THEM4: variants seen among roughly 807,000 people sequenced by gnomAD.
THEM4 encodes thioesterase superfamily member 4, also known as acyl-coenzyme A thioesterase THEM4.
In THEM4, 22 loss-of-function variants were observed where a neutral mutation model predicts 25.0. The ratio of observed to expected loss-of-function variants is 0.88; its 90% CI spans 0.63 to 1.26. The LOEUF is 1.26. Ranked by LOEUF, THEM4 falls within the 50% of genes most tolerant of loss-of-function variation. THEM4 has a pLI of 0.00. For missense variants in THEM4, 286 were observed against 300.3 expected (o/e 0.95, Z 0.35); for synonymous variants, 113 against 105.6 (o/e 1.07, Z -0.43).
chr1:151,878,200 A>G (rs2101715684), intron 4 of THEM4, among the ~76,000 whole-genome samples: 1 of 152,152 alleles, frequency 6.6e-6, no homozygotes, highest in African/African-American at 2.4e-5. Flanking sequence ...TCTCTCTTTG[A>G]TATACTCATG....
rs1000371944 is a variant in THEM4 at position 151,873,038 on chromosome 1, G to A, written c.*1850C>T. On this transcript the variant is annotated 3_prime_UTR_variant, in exon 6 of 6. Coordinates refer to ENST00000368814, the MANE Select transcript of THEM4 (RefSeq NM_053055.5). ...AACAGCATGTCTTGGTGTAAAACCCGATCCTATGTTCGTTCCATTCTGAGA... is the reference window on the plus strand; with the variant it reads ...AACAGCATGTCTTGGTGTAAAACCCAATCCTATGTTCGTTCCATTCTGAGA... 2.6e-5 allele frequency among the ~76,000 whole-genome samples: 4 copies of A among 152,150 alleles called. No homozygotes were observed. The highest frequency in any genetic ancestry group is 9.7e-5 in the African/African-American group (4 of 41,434).
chr1:151,893,391 A>C (rs1654137807), intron 2 of THEM4, among the ~76,000 whole-genome samples: 4 of 140,434 alleles, frequency 2.8e-5, no homozygotes, highest in Admixed American at 2.2e-4. Flanking sequence ...AACAAAAAAA[A>C]CAAAAAAACA....
At position 151,873,235 on chromosome 1, in the gene THEM4, C is replaced by T. The variant is rs911875292; in HGVS notation, c.*1653G>A. ...TTTGTAACACAGATTCCTTTGCTCACAGATTTTCCTGCTGACCTTCTCCCC... is the reference window on the plus strand; with the variant it reads ...TTTGTAACACAGATTCCTTTGCTCATAGATTTTCCTGCTGACCTTCTCCCC... On this transcript the variant is annotated 3_prime_UTR_variant, in exon 6 of 6. Coordinates refer to ENST00000368814, the MANE Select transcript of THEM4 (RefSeq NM_053055.5). Among the ~76,000 whole-genome samples the T allele has an allele frequency of 6.6e-6, 1 of 152,160 alleles. No homozygotes were observed. Among genetic ancestry groups the T allele is most frequent in the Non-Finnish European group, 1.5e-5 (1 of 68,034 alleles).
Position 151,873,884 on chromosome 1 carries a change from A to G in THEM4, c.*1004T>C, listed in dbSNP as rs908727882. On this transcript the variant is annotated 3_prime_UTR_variant, in exon 6 of 6. Coordinates refer to ENST00000368814, the MANE Select transcript of THEM4 (RefSeq NM_053055.5). ...CACTTTCAGGAGAATGGCCTTGGTC[A>G]ACACCTTGATTTTGAACTTCTGGCC... The G allele has an allele frequency of 2.6e-5, 4 of 152,230 alleles. No homozygotes were observed. Among genetic ancestry groups the G allele is most frequent in the Non-Finnish European group, 5.9e-5 (4 of 68,050 alleles). The allele number at this position is 152,230 out of a possible 1,614,324, so 9.4% of individuals were successfully genotyped here. A position where few individuals can be genotyped will look rare whatever the true frequency, so the allele number is the denominator to read the frequency against.
At chr1:151,878,450 T>C (rs1195133067) in intron 4 of THEM4, among the ~76,000 whole-genome samples, 1 of 152,260 alleles carries the variant, frequency 6.6e-6, no homozygotes, top group African/African-American at 2.4e-5. Flanking sequence ...ATTGTGCCAC[T>C]ACACTGGGAA....
chr1:151,905,132 C>T (rs745557756), intron 1 of THEM4, among the ~76,000 whole-genome samples: 29 of 152,080 alleles, frequency 1.9e-4, no homozygotes, highest in Non-Finnish European at 3.8e-4. Context: ...GGTAAGACAG[C>T]GAAGTAAAAA....
intron 4 of THEM4, among the ~76,000 whole-genome samples, chr1:151,879,620 G>A (rs1331448072): frequency 6.7e-6 from 1 of 150,236 alleles, no homozygotes; most frequent in Non-Finnish European, 1.5e-5. Context: ...GTTATCTTGT[G>A]ATGTTTAAAT....
intron 4 of THEM4, among the ~76,000 whole-genome samples, chr1:151,886,192 T>C (rs1653968115): frequency 6.6e-6 from 1 of 152,218 alleles, no homozygotes; most frequent in Admixed American, 6.5e-5. Flanking sequence ...TCTATCCATA[T>C]GACTTCAGGT....
At chr1:151,876,293 G>A (rs1339614460) in intron 5 of THEM4, among the ~76,000 whole-genome samples, 3 of 152,118 alleles carry the variant, frequency 2.0e-5, no homozygotes, top group Non-Finnish European at 4.4e-5. Flanking sequence ...AGCTATGTTT[G>A]CTACGTTTTG....
chr1:151,889,290 C>T lies in THEM4; in HGVS notation c.370G>A (p.Val124Met), dbSNP rs765404193. ...TTCTCAATGTCATTGTAGAACATCACGTATTCAAAGCCCAGGCCATCATCA... is the reference window on the plus strand; with the variant it reads ...TTCTCAATGTCATTGTAGAACATCATGTATTCAAAGCCCAGGCCATCATCA... ...SFDDGLGFEY[V>M]MFYNDIEKRM... Residue 124 changes from valine (V) to methionine (M), a missense_variant, in exon 3 of 6, where the codon GTG (valine) becomes ATG (methionine). By Grantham distance (21) the Val-to-Met change is conservative. Coordinates refer to ENST00000368814, the MANE Select transcript of THEM4 (RefSeq NM_053055.5). The T allele has an allele frequency of 6.8e-6, 11 of 1,613,996 alleles. No homozygotes were observed. The highest frequency in any genetic ancestry group is 1.3e-5 in the African/African-American group (1 of 75,032).
At position 151,877,118 on chromosome 1, in the gene THEM4, G is replaced by A; in HGVS notation, c.565C>T (p.Pro189Ser). 1 of 1,607,368 alleles carries A rather than the reference G, an allele frequency of 6.2e-7. No homozygotes were observed. Among genetic ancestry groups the A allele is most frequent in the Non-Finnish European group, 8.5e-7 (1 of 1,178,068 alleles). ...TTTATCATAACAACAGAACAAAGAG[G>A]GATAGGTCTGCAGAATAAAATGAAA... Reference protein sequence around the residue: ...NLNINYKRPIPLCSVVMINSQ... With the variant: ...NLNINYKRPISLCSVVMINSQ... Residue 189 changes from proline to serine, a missense_variant, in exon 5 of 6, where the codon CCT becomes TCT. Transcript: ENST00000368814.
chr1:151,873,232 T>C lies in THEM4; in HGVS notation c.*1656A>G, dbSNP rs939879889. Among the ~76,000 whole-genome samples, 5 of 152,168 alleles carry C rather than the reference T, an allele frequency of 3.3e-5. No homozygotes were observed. In the East Asian group the frequency reaches 5.8e-4, roughly 18 times the overall value. On this transcript the variant is annotated 3_prime_UTR_variant, in exon 6 of 6. Coordinates refer to ENST00000368814, the MANE Select transcript of THEM4 (RefSeq NM_053055.5). ...TTATTTGTAACACAGATTCCTTTGCTCACAGATTTTCCTGCTGACCTTCTC... is the reference window on the plus strand; with the variant it reads ...TTATTTGTAACACAGATTCCTTTGCCCACAGATTTTCCTGCTGACCTTCTC...
intron 4 of THEM4, among the ~76,000 whole-genome samples, chr1:151,883,104 T>TTATTTATTTATG (rs1653883140): frequency 1.4e-5 from 2 of 148,088 alleles, no homozygotes; most frequent in African/African-American, 5.0e-5. Flanking sequence ...TTTTATTTAT[T>TTATTTATTTATG]TATTTATTTA....
At chr1:151,905,289 G>GT (rs1654432949) in intron 1 of THEM4, among the ~76,000 whole-genome samples, 1 of 152,034 alleles carries the variant, frequency 6.6e-6, no homozygotes, top group Non-Finnish European at 1.5e-5. Flanking sequence ...CTCTGCTGAG[G>GT]TTTTTCTCTT....
At position 151,871,484 on chromosome 1, in the gene THEM4, T is replaced by C. The variant is rs1414570602; in HGVS notation, c.*3404A>G. Among the ~76,000 whole-genome samples the C allele has an allele frequency of 6.6e-6, 1 of 152,220 alleles. No individual in the cohort carries two copies. Among genetic ancestry groups the C allele is most frequent in the African/African-American group, 2.4e-5 (1 of 41,448 alleles). ...TTCTTTCTACCTGTTCTGCCACCTT[T>C]TGTTATCTTACATACTTGTCAAAAT... On this transcript the variant is annotated 3_prime_UTR_variant, in exon 6 of 6. Transcript: ENST00000368814.
intron 1 of THEM4, among the ~76,000 whole-genome samples, chr1:151,903,400 C>T (rs1194693232): frequency 1.3e-5 from 2 of 152,202 alleles, no homozygotes; most frequent in South Asian, 4.1e-4. Flanking sequence ...TTCACTTTCT[C>T]CGTAATATCA....
chr1:151,902,326 T>C (rs924241599), intron 1 of THEM4, among the ~76,000 whole-genome samples: 14 of 152,290 alleles, frequency 9.2e-5, no homozygotes, highest in Non-Finnish European at 1.9e-4. Context: ...CACAAAATCG[T>C]GGAACCAACC....
chr1:151,892,922 C>T (rs1558192058), intron 2 of THEM4, among the ~76,000 whole-genome samples: 1 of 152,132 alleles, frequency 6.6e-6, no homozygotes, highest in East Asian at 1.9e-4. Flanking sequence ...GCCCAAGAAA[C>T]TGAAAAGGAG....
chr1:151,898,026 C>T (rs1654263461), intron 1 of THEM4, among the ~76,000 whole-genome samples: 1 of 152,148 alleles, frequency 6.6e-6, no homozygotes, highest in Non-Finnish European at 1.5e-5. Flanking sequence ...GGGTAAAATT[C>T]CACAGGGAGA....
Sources: gnomAD v4.1 joint callset for allele counts (sites outside exome capture counted in the v4.1 genomes callset) on GRCh38, gnomAD v4.1.1 for gene constraint, MANE v1.5 for transcripts, NCBI Gene and HGNC (gene_info 2026-07-23, HGNC 2026-07-21) for gene names.